KDM3B: variants seen among roughly 807,000 people sequenced by gnomAD.
KDM3B encodes the protein lysine demethylase 3B, also known as lysine-specific demethylase 3B.
Under a neutral mutation model 170.0 loss-of-function variants are expected in KDM3B, and 10 were observed. That is an observed-to-expected ratio of 0.06 (90% confidence interval 0.04 to 0.10). The LOEUF (loss-of-function observed/expected upper bound fraction) is 0.10. Among genes scored for constraint, KDM3B ranks in the 10% least tolerant of loss-of-function variants. The pLI is 1.00. For synonymous variants in KDM3B, 831 were observed against 834.8 expected, an observed-to-expected ratio of 1.00 and a Z score of 0.08; for missense variants, 1,394 against 2,195.2, an observed-to-expected ratio of 0.64 and a Z score of 7.29.
At chr5:138,382,433 T>A (rs912526882) in intron 6 of KDM3B, among the ~76,000 whole-genome samples, 1 of 151,866 alleles carries the variant, frequency 6.6e-6, no homozygotes, top group South Asian at 2.1e-4. Flanking sequence ...GCCTGGGTGA[T>A]AGAGCAAGAC....
rs779172393 is a variant in KDM3B, at chr5:138,391,958, T to C, written c.2326T>C (p.Phe776Leu). 1 of 1,612,766 alleles carries C rather than the reference T, an allele frequency of 6.2e-7. No homozygotes were observed. Among genetic ancestry groups the C allele is most frequent in the Admixed American group, 1.7e-5 (1 of 60,008 alleles). ...SNVFGRHSGG[F>L]LSSPADFSQE... ...CGTCTTTGGCAGGCACTCAGGCGGCTTTCTGTCCTCCCCGGCAGATTTTTC... is the reference window on the plus strand; with the variant it reads ...CGTCTTTGGCAGGCACTCAGGCGGCCTTCTGTCCTCCCCGGCAGATTTTTC... The change falls in exon 8 of 24, where the codon TTT becomes CTT. Residue 776 changes from phenylalanine to leucine, a missense_variant. This residue lies in a region of KDM3B where 84 missense variants were observed against 135.8 expected (regional missense o/e 0.62). Coordinates refer to ENST00000314358, the MANE Select transcript of KDM3B (RefSeq NM_016604.4). The surrounding 1 kb of genome is among the most constrained non-coding windows in gnomAD (Gnocchi z 5.0).
chr5:138,356,198 C>T (rs769034474), intron 1 of KDM3B, among the ~76,000 whole-genome samples: 9 of 152,158 alleles, frequency 5.9e-5, no homozygotes, highest in Non-Finnish European at 1.0e-4. Flanking sequence ...TACTTGTATA[C>T]ATATTTTTAT....
intron 11 of KDM3B, among the ~76,000 whole-genome samples, chr5:138,407,780 G>C (rs937895915): frequency 1.3e-5 from 2 of 152,108 alleles, no homozygotes; most frequent in African/African-American, 4.8e-5. Flanking sequence ...AGCCCTACCT[G>C]CTGTTCCCCA....
chr5:138,397,943 G>GGTCGCCGT, intron 9 of KDM3B: 1 of 409,164 alleles, frequency 2.4e-6, no homozygotes, highest in South Asian at 4.2e-5. Context: ...TAGAACAGGT[G>GGTCGCCGT]AATGGAAAAA....
intron 14 of KDM3B, among the ~76,000 whole-genome samples, chr5:138,419,530 C>T (rs904384570): frequency 4.0e-5 from 6 of 150,896 alleles, no homozygotes; most frequent in African/African-American, 1.5e-4. Context: ...TGGCGGGTGC[C>T]TGTAGTCCCA....
At chr5:138,366,707 G>A (rs1761753067) in intron 1 of KDM3B, among the ~76,000 whole-genome samples, 1 of 152,122 alleles carries the variant, frequency 6.6e-6, no homozygotes, top group Admixed American at 6.6e-5. Flanking sequence ...GGCTTATAGA[G>A]GCAACATAAA....
chr5:138,422,559 G>C (rs1328243760), intron 15 of KDM3B, among the ~76,000 whole-genome samples: 3 of 152,150 alleles, frequency 2.0e-5, no homozygotes. Context: ...AGAATCGCCT[G>C]AACCTGGGAG....
intron 1 of KDM3B, among the ~76,000 whole-genome samples, chr5:138,370,000 T>C (rs1056210118): frequency 6.6e-6 from 1 of 152,210 alleles, no homozygotes. Flanking sequence ...CCAAGCTTTG[T>C]ACGTTATGCT....
intron 1 of KDM3B, among the ~76,000 whole-genome samples, chr5:138,359,791 C>T (rs1251806677): frequency 6.6e-6 from 1 of 152,002 alleles, no homozygotes; most frequent in African/African-American, 2.4e-5. Flanking sequence ...CTCATGTATC[C>T]AGAAGTTACC....
chr5:138,394,993 A>G (rs952392112), intron 9 of KDM3B, among the ~76,000 whole-genome samples: 5 of 152,178 alleles, frequency 3.3e-5, no homozygotes, highest in Non-Finnish European at 5.9e-5. Context: ...GGATGATTCT[A>G]TGTCTGGTTC....
At chr5:138,427,593 G>A (rs1233929214) in intron 19 of KDM3B, among the ~76,000 whole-genome samples, 1 of 152,212 alleles carries the variant, frequency 6.6e-6, no homozygotes, top group Non-Finnish European at 1.5e-5. Flanking sequence ...TCGAGTATAA[G>A]AGACTTGACA....
intron 5 of KDM3B, among the ~76,000 whole-genome samples, chr5:138,380,263 A>G (rs905615114): frequency 6.6e-6 from 1 of 151,420 alleles, no homozygotes; most frequent in African/African-American, 2.4e-5. Flanking sequence ...TTGGGATTAC[A>G]GGCATGAACC....
chr5:138,354,170 AT>A (rs1488217254), intron 1 of KDM3B, among the ~76,000 whole-genome samples: 1 of 151,732 alleles, frequency 6.6e-6, no homozygotes, highest in South Asian at 2.1e-4. Flanking sequence ...AGCTTTATGG[AT>A]TTTTTTTGTG....
intron 20 of KDM3B, among the ~76,000 whole-genome samples, chr5:138,428,523 T>C (rs985878039): frequency 1.3e-5 from 2 of 152,206 alleles, no homozygotes; most frequent in African/African-American, 4.8e-5. Context: ...TTTTTTCTTT[T>C]CTTATTCCCC....
At chr5:138,423,693 G>A (rs1485165350) in intron 15 of KDM3B, among the ~76,000 whole-genome samples, 1 of 152,146 alleles carries the variant, frequency 6.6e-6, no homozygotes, top group Non-Finnish European at 1.5e-5. Flanking sequence ...ATGCTGGTTA[G>A]GAAAAATTTA....
intron 6 of KDM3B, among the ~76,000 whole-genome samples, chr5:138,385,509 G>A (rs1762235742): frequency 6.6e-6 from 1 of 152,222 alleles, no homozygotes; most frequent in African/African-American, 2.4e-5. Context: ...GGGATTACAG[G>A]CGTGAGCCAC....
intron 11 of KDM3B, among the ~76,000 whole-genome samples, chr5:138,408,173 C>T (rs1252448318): frequency 6.6e-6 from 1 of 152,030 alleles, no homozygotes; most frequent in East Asian, 1.9e-4. Context: ...GGGTAGCCAG[C>T]CTTCCCCTAA....
At chr5:138,424,770 T>G (rs185152326) in intron 16 of KDM3B, among the ~76,000 whole-genome samples, 1 of 152,202 alleles carries the variant, frequency 6.6e-6, no homozygotes, top group African/African-American at 2.4e-5. Context: ...CAGAGCAAGA[T>G]TCCACCTCAA....
chr5:138,379,607 A>C lies in KDM3B; in HGVS notation c.604A>C (p.Arg202=). Residue 202 remains arginine (R), a synonymous_variant, in exon 5 of 24, where the codon AGG becomes CGG. Coordinates refer to ENST00000314358, the MANE Select transcript of KDM3B (RefSeq NM_016604.4). ...AGGTCCCTACAGTGTTCAAGGTCAC[A>C]GGGTCAAAATATATCAGCCAGAGGG... ...SRGPYSVQGH[R]VKIYQPEGEE... 1 of 1,613,624 alleles carries C rather than the reference A, an allele frequency of 6.2e-7. No homozygotes were observed. Among genetic ancestry groups the C allele is most frequent in the Non-Finnish European group, 8.5e-7 (1 of 1,179,716 alleles).
Sources: allele counts gnomAD v4.1 joint callset (sites outside exome capture counted in the v4.1 genomes callset), GRCh38; gene constraint gnomAD v4.1.1; regional missense constraint gnomAD v4.1.1; non-coding constraint Gnocchi (gnomAD v3.1); transcripts MANE v1.5; gene names NCBI Gene and HGNC (gene_info 2026-07-23, HGNC 2026-07-21).